Variants in SH3RF3 observed in about 807,000 individuals in gnomAD.
SH3RF3 encodes the protein SH3 domain containing ring finger 3.
A neutral mutation model predicts 66.3 loss-of-function variants in SH3RF3; 29 were observed. The observed-to-expected ratio is 0.44, with a 90% CI of 0.33 to 0.60. The LOEUF (loss-of-function observed/expected upper bound fraction) is 0.60. SH3RF3 is among the 20% of genes least tolerant of loss of function. The pLI is 0.04. For missense variants in SH3RF3, 1,194 were observed against 1,190.9 expected (o/e 1.00, Z -0.04); for synonymous variants, 583 against 532.0 (o/e 1.10, Z -1.32).
intron 1 of SH3RF3, among the ~76,000 whole-genome samples, chr2:109,317,473 C>T (rs1174535736): frequency 6.6e-6 from 1 of 152,052 alleles, no homozygotes; most frequent in African/African-American, 2.4e-5. Context: ...CTGCTCTTCC[C>T]CTGGGTCTGG....
intron 7 of SH3RF3, among the ~76,000 whole-genome samples, chr2:109,446,103 C>T (rs143639596): frequency 0.013 from 2,006 of 152,188 alleles, 54 homozygotes; most frequent in African/African-American, 0.046. Context: ...CCAGCCAGCT[C>T]GGGGTTGGGG....
At chr2:109,414,794 C>T (rs1573232849) in intron 4 of SH3RF3, among the ~76,000 whole-genome samples, 1 of 152,242 alleles carries the variant, frequency 6.6e-6, no homozygotes, top group Admixed American at 6.5e-5. Context: ...GCATTTCCAT[C>T]TGGCCAAGGC....
intron 1 of SH3RF3, among the ~76,000 whole-genome samples, chr2:109,172,646 A>C (rs1354716421): frequency 4.6e-5 from 7 of 152,184 alleles, no homozygotes; most frequent in Admixed American, 4.6e-4. Flanking sequence ...CCATAGCAGG[A>C]AGCAATTGTT....
At chr2:109,486,856 G>C (rs1034405870) in intron 8 of SH3RF3, among the ~76,000 whole-genome samples, 1 of 152,204 alleles carries the variant, frequency 6.6e-6, no homozygotes, top group Admixed American at 6.5e-5. Context: ...CACCTTTCTC[G>C]GCAGATCTGT....
chr2:109,258,592 T>C (rs1680276223), intron 1 of SH3RF3, among the ~76,000 whole-genome samples: 1 of 152,162 alleles, frequency 6.6e-6, no homozygotes, highest in African/African-American at 2.4e-5. Context: ...CATCCCGCAA[T>C]TCCCCAGGCC....
chr2:109,424,365 C>A (rs530000384), intron 5 of SH3RF3, among the ~76,000 whole-genome samples: 1 of 152,348 alleles, frequency 6.6e-6, no homozygotes, highest in South Asian at 2.1e-4. Context: ...GGGACCCAGG[C>A]TGGGCATCCC....
At chr2:109,287,475 A>C (rs185383272) in intron 1 of SH3RF3, among the ~76,000 whole-genome samples, 1 of 152,270 alleles carries the variant, frequency 6.6e-6, no homozygotes, top group African/African-American at 2.4e-5. Context: ...CCTAAGAGAG[A>C]TACCTCCCTT....
chr2:109,155,822 A>G (rs970753941), intron 1 of SH3RF3, among the ~76,000 whole-genome samples: 14 of 152,256 alleles, frequency 9.2e-5, no homozygotes, highest in Non-Finnish European at 1.8e-4. Context: ...ATGTTCCAGA[A>G]CTAGGTGGTC....
At chr2:109,309,312 A>G (rs953662172) in intron 1 of SH3RF3, among the ~76,000 whole-genome samples, 5 of 150,508 alleles carry the variant, frequency 3.3e-5, no homozygotes, top group African/African-American at 9.9e-5. Flanking sequence ...TATCAGCTTA[A>G]GGAGATTTTG....
At chr2:109,238,585 AT>A (rs1156307464) in intron 1 of SH3RF3, among the ~76,000 whole-genome samples, 1 of 151,622 alleles carries the variant, frequency 6.6e-6, no homozygotes, top group South Asian at 2.1e-4. Context: ...TGGAGGGGAC[AT>A]TTTTTCAGGA....
chr2:109,390,529 C>T (rs2104410545), intron 3 of SH3RF3, among the ~76,000 whole-genome samples: 1 of 152,292 alleles, frequency 6.6e-6, no homozygotes, highest in South Asian at 2.1e-4. Context: ...ACACATCACC[C>T]AATATCAAGA....
At chr2:109,269,477 A>C (rs780039162) in intron 1 of SH3RF3, among the ~76,000 whole-genome samples, 3 of 152,310 alleles carry the variant, frequency 2.0e-5, no homozygotes, top group Non-Finnish European at 4.4e-5. Flanking sequence ...AGCACCAGGT[A>C]GTGCTTAAAA....
intron 1 of SH3RF3, among the ~76,000 whole-genome samples, chr2:109,156,753 G>GTT (rs551958298): frequency 1.3e-5 from 2 of 152,202 alleles, no homozygotes; most frequent in African/African-American, 4.8e-5. Context: ...TGAATTTTAA[G>GTT]TTTTTTAAAA....
intron 1 of SH3RF3, among the ~76,000 whole-genome samples, chr2:109,192,511 C>G (rs1457252629): frequency 1.3e-5 from 2 of 152,100 alleles, no homozygotes; most frequent in Non-Finnish European, 2.9e-5. Flanking sequence ...TCAGAGTAAG[C>G]CTTTCTTATA....
At chr2:109,133,656 C>T (rs1041446900) in intron 1 of SH3RF3, among the ~76,000 whole-genome samples, 1 of 151,882 alleles carries the variant, frequency 6.6e-6, no homozygotes, top group Non-Finnish European at 1.5e-5. Flanking sequence ...TCATTTACAC[C>T]TGATTTGACC....
At chr2:109,475,474 G>A (rs576388192) in intron 8 of SH3RF3, among the ~76,000 whole-genome samples, 74 of 152,324 alleles carry the variant, frequency 4.9e-4, no homozygotes, top group Middle Eastern at 6.8e-3. Context: ...GGAATGGGTC[G>A]AGAGGCAGCC....
chr2:109,494,893 A>G (rs1418287398), intron 9 of SH3RF3, among the ~76,000 whole-genome samples: 3 of 152,158 alleles, frequency 2.0e-5, no homozygotes, highest in Admixed American at 6.5e-5. Context: ...GAGGAAGGAC[A>G]TTCAAGTAGA....
At chr2:109,336,902 G>T (rs995257141) in intron 1 of SH3RF3, among the ~76,000 whole-genome samples, 2 of 152,154 alleles carry the variant, frequency 1.3e-5, no homozygotes, top group African/African-American at 4.8e-5. Flanking sequence ...TCCTGTCCCA[G>T]AGCAAAGGGC....
intron 1 of SH3RF3, among the ~76,000 whole-genome samples, chr2:109,205,479 A>G (rs192693514): frequency 5.5e-4 from 83 of 152,226 alleles, no homozygotes; most frequent in Non-Finnish European, 1.0e-3. Context: ...TGAACTCCTG[A>G]CCTCAAGTGA....
Sources: allele counts gnomAD v4.1 joint callset (sites outside exome capture counted in the v4.1 genomes callset), GRCh38; gene constraint gnomAD v4.1.1; transcripts MANE v1.5; gene names NCBI Gene and HGNC (gene_info 2026-07-23, HGNC 2026-07-21).